Variants in KIF20A observed in about 807,000 individuals in gnomAD.
KIF20A encodes kinesin family member 20A.
Under a neutral mutation model 113.0 loss-of-function variants are expected in KIF20A, and 66 were observed. That is an observed-to-expected ratio of 0.58 (90% CI 0.48 to 0.72). The LOEUF (loss-of-function observed/expected upper bound fraction) is 0.72, where lower values mean the gene tolerates loss of function less well. Ranked by LOEUF, KIF20A falls within the 30% of genes least tolerant of loss-of-function variation. The pLI is 0.00. For synonymous variants in KIF20A, 376 were observed against 402.3 expected, an observed-to-expected ratio of 0.93 and a Z score of 0.78; for missense variants, 927 against 1,077.6, an observed-to-expected ratio of 0.86 and a Z score of 1.96.
At chr5:138,186,135 A>G (rs1466732645) in intron 17 of KIF20A, 83 bp downstream of exon 17, 21 of 1,502,688 alleles carry the variant, frequency 1.4e-5, no homozygotes, top group Non-Finnish European at 1.8e-5. Flanking sequence ...GTTCATGTGA[A>G]GACAAGATGT....
rs114770287 is a variant in KIF20A at position 138,181,843 on chromosome 5, C to A, written c.375+115C>A. On this transcript the variant is annotated intron_variant, in intron 4 of 18. Transcript: ENST00000394894. The stretch of plus-strand genomic sequence containing the variant: ...TGAGTTCCTTGTATATGCACACCTA[C>A]AATTTTGAGGGCCCTAGTTATGTGT... 2.6e-3 allele frequency: 3,168 copies of A among 1,210,080 alleles called. 67 individuals carry two copies. The African/African-American group carries it at 0.044, about 17-fold the overall frequency. 75.0% of individuals were successfully genotyped at this position (1,210,080 alleles called of 1,614,324 possible).
At chr5:138,181,200 A>C (rs1754656145) in intron 2 of KIF20A, among the ~76,000 whole-genome samples, 1 of 152,266 alleles carries the variant, frequency 6.6e-6, no homozygotes, top group Non-Finnish European at 1.5e-5. Context: ...TCGGTGTGGC[A>C]AGCCACATTT....
At chr5:138,182,289 G>A in intron 4 of KIF20A, 34 bp from the exon 5 acceptor site, 1 of 1,602,734 alleles carries the variant, frequency 6.2e-7, no homozygotes, top group Non-Finnish European at 8.5e-7. Flanking sequence ...GGGAGATGAA[G>A]GAGAGGCCTC....
intron 2 of KIF20A, among the ~76,000 whole-genome samples, chr5:138,181,081 A>G (rs1007812981): frequency 3.3e-5 from 5 of 152,264 alleles, no homozygotes; most frequent in African/African-American, 1.2e-4. Context: ...TCAAGGTCTC[A>G]TAGTTACTAA....
At chr5:138,186,959 C>T (rs1025629674) in intron 18 of KIF20A, 137 bp from the exon 19 acceptor site, 51 of 695,616 alleles carry the variant, frequency 7.3e-5, no homozygotes, top group Admixed American at 2.2e-4. Flanking sequence ...TTATAAGCTC[C>T]GACCTTAAAG....
intron 4 of KIF20A, among the ~76,000 whole-genome samples, 191 bp from the exon 5 acceptor site, chr5:138,182,132 G>A (rs974862949): frequency 2.0e-5 from 3 of 152,160 alleles, no homozygotes; most frequent in African/African-American, 7.2e-5. Flanking sequence ...TTGTTGATTT[G>A]GTGGAAAGAT....
Position 138,184,102 on chromosome 5 carries a change from AC to A in KIF20A, c.1351del (p.Arg451GlyfsTer14). On this transcript the variant is annotated frameshift_variant and splice_region_variant, in exon 11 of 19. Transcript: ENST00000394894. LOFTEE classifies it high-confidence loss of function. ...GCTGCCCTTCGTCAAAACCAGCAGA[AC>A]CGGTGAGCTTTTGACTATAATTCCT... ...CIAALRQNQQNRSKQNLVPFR... is the reference protein window; with the variant it reads ...CIAALRQNQQXRSKQNLVPFR... 5 of 1,614,134 alleles carry A rather than the reference AC, an allele frequency of 3.1e-6. No individual in the cohort carries two copies. The highest frequency in any genetic ancestry group is 4.2e-6 in the Non-Finnish European group (5 of 1,180,006).
intron 16 of KIF20A, 122 bp downstream of exon 16, chr5:138,185,832 AT>A: frequency 7.6e-7 from 1 of 1,319,094 alleles, no homozygotes; most frequent in Non-Finnish European, 1.1e-6. Flanking sequence ...TCCCCCTGAC[AT>A]TTCAATCTAG....
At position 138,182,397 on chromosome 5, in the gene KIF20A, A is replaced by G. The variant is rs1754673870; in HGVS notation, c.450A>G (p.Lys150=). Residue 150 remains lysine (K), a synonymous_variant, in exon 5 of 19, where the codon AAA becomes AAG. Coordinates refer to ENST00000394894, the MANE Select transcript of KIF20A (RefSeq NM_005733.3). ...AGGAGATGGTAAAGGATGTACTCAA[A>G]GGGCAGAACTGGCTCATCTATACAT... ...TVKEMVKDVL[K]GQNWLIYTYG... is the part of the protein sequence containing the mutation. 1.2e-6 allele frequency: 2 copies of G among 1,614,102 alleles called. No individual in the cohort carries two copies. Among genetic ancestry groups the G allele is most frequent in the African/African-American group, 1.3e-5 (1 of 74,934 alleles).
Position 138,186,041 on chromosome 5 carries a change from G to A in KIF20A, c.2206G>A (p.Glu736Lys). The A allele has an allele frequency of 1.2e-6, 2 of 1,613,920 alleles. No homozygotes were observed. The highest frequency in any genetic ancestry group is 1.7e-6 in the Non-Finnish European group (2 of 1,179,906). ...CATTGATGTGGACAAGAAGTTAGAA[G>A]AGGGCCAGAAGGTAATTACCACCAT... ...FTIDVDKKLE[E>K]GQKNIRLLRT... Residue 736 changes from glutamate to lysine, a missense_variant, in exon 17 of 19, where the codon GAG (glutamate) becomes AAG (lysine). By Grantham distance (56) the Glu-to-Lys change is moderately conservative. Coordinates refer to ENST00000394894, the MANE Select transcript of KIF20A (RefSeq NM_005733.3).
rs202175686 is a variant in KIF20A, at chr5:138,183,298, G to A, written c.962G>A (p.Ser321Asn). 4.3e-6 allele frequency: 7 copies of A among 1,614,210 alleles called. No individual in the cohort carries two copies. Among genetic ancestry groups the A allele is most frequent in the Non-Finnish European group, 5.9e-6 (7 of 1,180,032 alleles). ...CTTTATGACCTATTAGAACCGCCTA[G>A]CCAACAGCGCAAGAGGCAGACTTTG... ...ELLYDLLEPP[S>N]QQRKRQTLRL... The change falls in exon 8 of 19, where the codon AGC (serine) becomes AAC (asparagine). Residue 321 changes from serine (S) to asparagine (N), a missense_variant. Coordinates refer to ENST00000394894, the MANE Select transcript of KIF20A (RefSeq NM_005733.3). This position sits in a 1 kb window ranked among gnomAD's most constrained non-coding sequence, Gnocchi z 5.2.
At position 138,187,285 on chromosome 5, in the gene KIF20A, T is replaced by G. The variant is rs749678451; in HGVS notation, c.2545T>G (p.Phe849Val). ...PNQQPPGKKPFLRNLLPRTPT... is the reference protein window; with the variant it reads ...PNQQPPGKKPVLRNLLPRTPT... ...CCAACAACCACCAGGGAAGAAACCATTCCTTCGAAATTTACTTCCCCGAAC... is the reference window on the plus strand; with the variant it reads ...CCAACAACCACCAGGGAAGAAACCAGTCCTTCGAAATTTACTTCCCCGAAC... The change falls in exon 19 of 19, where the codon TTC (phenylalanine) becomes GTC (valine). Residue 849 changes from phenylalanine to valine, a missense_variant. By Grantham distance (50) the Phe-to-Val change is conservative (BLOSUM62 -1). Coordinates refer to ENST00000394894, the MANE Select transcript of KIF20A (RefSeq NM_005733.3). 1.9e-6 allele frequency: 3 copies of G among 1,614,120 alleles called. No homozygotes were observed. The East Asian group carries it at 6.7e-5, about 36-fold the overall frequency.
At chr5:138,184,453 C>CT (rs1483230267) in intron 12 of KIF20A, 49 bp downstream of exon 12, 1 of 1,612,078 alleles carries the variant, frequency 6.2e-7, no homozygotes, top group African/African-American at 1.3e-5. Context: ...ACTGGTAACT[C>CT]TAAGAAAGCT....
chr5:138,184,761 G>C, intron 13 of KIF20A, 46 bp from the exon 14 acceptor site: 3 of 1,611,954 alleles, frequency 1.9e-6, no homozygotes, highest in Non-Finnish European at 2.5e-6. Flanking sequence ...TGTGCCTTCT[G>C]AGGGCATGAG....
At chr5:138,179,945 G>A in intron 2 of KIF20A, 100 bp downstream of exon 2, 5 of 1,220,376 alleles carry the variant, frequency 4.1e-6, no homozygotes, top group South Asian at 1.6e-5. Context: ...AATCCTAAAG[G>A]TCTGAGATCA....
At chr5:138,179,383 C>T (rs531555565) in intron 1 of KIF20A, 181 bp downstream of exon 1, 82 of 377,738 alleles carry the variant, frequency 2.2e-4, no homozygotes, top group African/African-American at 1.6e-3. Context: ...TCCACAGCAC[C>T]GGCGGGCGAG....
chr5:138,180,694 G>A (rs985691871), intron 2 of KIF20A, among the ~76,000 whole-genome samples: 3 of 150,178 alleles, frequency 2.0e-5, no homozygotes, highest in South Asian at 2.1e-4. Context: ...TTTTGTTTTC[G>A]AGATGGAGTC....
rs751619840 is a variant in KIF20A, at chr5:138,186,390, C to T, written c.2314C>T (p.Arg772Cys). The T allele has an allele frequency of 1.2e-5, 19 of 1,610,878 alleles. No individual in the cohort carries two copies. Among genetic ancestry groups the T allele is most frequent in the Non-Finnish European group, 1.5e-5 (18 of 1,179,368 alleles). ...CCACAGCACTGGGGCAGGAAAACTT[C>T]GTCAAGCCTTGACCACTTGTGATGA... ...CCHSTGAGKL[R>C]QALTTCDDIL... Residue 772 changes from arginine to cysteine, a missense_variant, in exon 18 of 19, where the codon CGT (arginine) becomes TGT (cysteine). Coordinates refer to ENST00000394894, the MANE Select transcript of KIF20A (RefSeq NM_005733.3).
chr5:138,182,487 C>A, intron 5 of KIF20A, 26 bp downstream of exon 5: 1 of 1,612,716 alleles, frequency 6.2e-7, no homozygotes, highest in East Asian at 2.2e-5. Flanking sequence ...TCACGGGATT[C>A]CTGATTGGCT....
Sources: gnomAD v4.1 joint callset for allele counts (sites outside exome capture counted in the v4.1 genomes callset) on GRCh38, gnomAD v4.1.1 for gene constraint, Gnocchi (gnomAD v3.1) non-coding constraint, MANE v1.5 for transcripts, NCBI Gene and HGNC (gene_info 2026-07-23, HGNC 2026-07-21) for gene names.